KCNQ3: variants seen among roughly 807,000 people sequenced by gnomAD.
The protein encoded by KCNQ3 is potassium voltage-gated channel subfamily KQT member 3.
In KCNQ3, 30 loss-of-function variants were observed where a neutral mutation model predicts 92.5. The observed-to-expected ratio is 0.32, with a 90% CI of 0.24 to 0.44. The LOEUF (loss-of-function observed/expected upper bound fraction) is 0.44, where lower values mean the gene tolerates loss of function less well. Among genes scored for constraint, KCNQ3 ranks in the 20% least tolerant of loss-of-function variants. The pLI is 1.00. For synonymous variants in KCNQ3, 450 were observed against 468.8 expected (o/e 0.96, Z 0.52); for missense variants, 913 against 1,140.3 (o/e 0.80, Z 2.87).
At chr8:132,212,896 TAG>T (rs1813904658) in intron 1 of KCNQ3, among the ~76,000 whole-genome samples, 1 of 152,188 alleles carries the variant, frequency 6.6e-6, no homozygotes, top group Non-Finnish European at 1.5e-5. Flanking sequence ...CACAGACCTG[TAG>T]GCAGGTGCCG....
At chr8:132,391,768 T>C (rs1820052748) in intron 1 of KCNQ3, among the ~76,000 whole-genome samples, 1 of 152,156 alleles carries the variant, frequency 6.6e-6, no homozygotes, top group Non-Finnish European at 1.5e-5. Flanking sequence ...CTCAACCAAA[T>C]GCCAGCCAGC....
At chr8:132,465,294 A>G (rs1303035494) in intron 1 of KCNQ3, among the ~76,000 whole-genome samples, 2 of 152,248 alleles carry the variant, frequency 1.3e-5, no homozygotes, top group African/African-American at 4.8e-5. Flanking sequence ...ATTCTTTGAA[A>G]GTATCACAAA....
At chr8:132,478,627 TAG>T (rs1411233002) in intron 1 of KCNQ3, among the ~76,000 whole-genome samples, 1 of 128,172 alleles carries the variant, frequency 7.8e-6, no homozygotes, top group Non-Finnish European at 1.6e-5. Flanking sequence ...CACCTGCAAA[TAG>T]ACACACACAC....
At chr8:132,408,807 A>G (rs868137927) in intron 1 of KCNQ3, among the ~76,000 whole-genome samples, 3 of 152,156 alleles carry the variant, frequency 2.0e-5, no homozygotes, top group South Asian at 2.1e-4. Context: ...CTGGGAGCCA[A>G]CCCTGGATGA....
At chr8:132,395,623 A>G (rs1169656978) in intron 1 of KCNQ3, among the ~76,000 whole-genome samples, 4 of 152,222 alleles carry the variant, frequency 2.6e-5, no homozygotes, top group Non-Finnish European at 5.9e-5. Flanking sequence ...GAGTAACAAC[A>G]TGTTGTGTTT....
intron 1 of KCNQ3, among the ~76,000 whole-genome samples, chr8:132,431,473 T>C (rs1367155241): frequency 6.6e-6 from 1 of 152,202 alleles, no homozygotes; most frequent in African/African-American, 2.4e-5. Flanking sequence ...AGGTCGGTGA[T>C]GTCCCTGAAT....
intron 1 of KCNQ3, among the ~76,000 whole-genome samples, chr8:132,281,372 AAGG>A (rs1434424168): frequency 3.9e-5 from 6 of 152,060 alleles, no homozygotes; most frequent in Non-Finnish European, 8.8e-5. Flanking sequence ...TTATGACAAG[AAGG>A]CAGCACTGAA....
intron 1 of KCNQ3, among the ~76,000 whole-genome samples, chr8:132,354,210 T>C (rs1244275077): frequency 6.6e-6 from 1 of 152,216 alleles, no homozygotes. Flanking sequence ...AGCTGGCTCC[T>C]GTGTGCTCTC....
intron 1 of KCNQ3, among the ~76,000 whole-genome samples, chr8:132,263,470 A>T (rs1487322947): frequency 6.6e-6 from 1 of 152,218 alleles, no homozygotes; most frequent in African/African-American, 2.4e-5. Context: ...CCAGTCCATC[A>T]GGCTACTGCT....
chr8:132,159,194 G>A (rs944073340), intron 9 of KCNQ3, among the ~76,000 whole-genome samples: 8 of 152,308 alleles, frequency 5.3e-5, no homozygotes, highest in East Asian at 1.9e-4. Flanking sequence ...AACTGTTCAC[G>A]TTCTTTAATG....
chr8:132,131,961 G>A (rs536648428), intron 14 of KCNQ3, among the ~76,000 whole-genome samples: 6 of 152,024 alleles, frequency 3.9e-5, no homozygotes, highest in Non-Finnish European at 5.9e-5. Context: ...GATGGCAGGC[G>A]CCTGTAATCT....
chr8:132,143,270 A>C (rs1045292845), intron 9 of KCNQ3, among the ~76,000 whole-genome samples: 1 of 151,994 alleles, frequency 6.6e-6, no homozygotes, highest in Non-Finnish European at 1.5e-5. Flanking sequence ...CTGCTACTAG[A>C]TAAATGACTA....
At chr8:132,468,997 T>A (rs1424313811) in intron 1 of KCNQ3, among the ~76,000 whole-genome samples, 2 of 152,184 alleles carry the variant, frequency 1.3e-5, no homozygotes, top group Non-Finnish European at 2.9e-5. Context: ...AAAAGTCCCA[T>A]CCAACAAGGC....
intron 1 of KCNQ3, among the ~76,000 whole-genome samples, chr8:132,370,531 T>C (rs1279599359): frequency 1.3e-5 from 2 of 152,064 alleles, no homozygotes; most frequent in Non-Finnish European, 2.9e-5. Context: ...TTTGTGCCAT[T>C]AGAGCCCCGT....
chr8:132,151,716 C>T (rs1825641190), intron 9 of KCNQ3, among the ~76,000 whole-genome samples: 1 of 152,186 alleles, frequency 6.6e-6, no homozygotes, highest in African/African-American at 2.4e-5. Context: ...AAGCCTCTAA[C>T]ATATTTAACA....
At chr8:132,453,669 T>C (rs1456276191) in intron 1 of KCNQ3, among the ~76,000 whole-genome samples, 1 of 152,032 alleles carries the variant, frequency 6.6e-6, no homozygotes, top group Non-Finnish European at 1.5e-5. Flanking sequence ...CAATTCTCAT[T>C]GATCTGTTTT....
At chr8:132,342,175 A>T (rs933518976) in intron 1 of KCNQ3, among the ~76,000 whole-genome samples, 2 of 151,282 alleles carry the variant, frequency 1.3e-5, no homozygotes, top group Non-Finnish European at 2.9e-5. Context: ...CACTCCCTAA[A>T]CTCATTTGAT....
At chr8:132,292,638 G>A (rs370244289) in intron 1 of KCNQ3, among the ~76,000 whole-genome samples, 1 of 151,592 alleles carries the variant, frequency 6.6e-6, no homozygotes. Flanking sequence ...TCTGTCTTAG[G>A]TTCAGTAAAA....
chr8:132,309,332 G>C (rs1817523929), intron 1 of KCNQ3, among the ~76,000 whole-genome samples: 2 of 152,114 alleles, frequency 1.3e-5, no homozygotes, highest in Admixed American at 6.5e-5. Context: ...ATCTCCTGCT[G>C]CTCATTAATT....
Sources: gnomAD v4.1 joint callset for allele counts (sites outside exome capture counted in the v4.1 genomes callset) on GRCh38, gnomAD v4.1.1 for gene constraint, MANE v1.5 for transcripts, NCBI Gene and HGNC (gene_info 2026-07-23, HGNC 2026-07-21) for gene names.